TBC1D16: variants seen among roughly 807,000 people sequenced by gnomAD.
TBC1D16 encodes the protein CTD-2529O21.1.
In TBC1D16, 58 loss-of-function variants were observed where a neutral mutation model predicts 74.7. The ratio of observed to expected loss-of-function variants is 0.78; its 90% confidence interval spans 0.63 to 0.97. TBC1D16 has a LOEUF of 0.97. Among genes scored for constraint, TBC1D16 ranks in the 50% least tolerant of loss-of-function variants. TBC1D16 has a pLI of 0.00. For synonymous variants in TBC1D16, 493 were observed against 474.7 expected (o/e 1.04, Z -0.50); for missense variants, 1,014 against 1,079.5 (o/e 0.94, Z 0.85).
chr17:80,031,791 G>C (rs1188671552), intron 1 of TBC1D16, among the ~76,000 whole-genome samples: 1 of 152,208 alleles, frequency 6.6e-6, no homozygotes, highest in Non-Finnish European at 1.5e-5. Flanking sequence ...GGAAGATGCA[G>C]ACCCAGCCAG....
In TBC1D16 at chr17:79,951,582, G is replaced by A; in HGVS notation, c.957C>T (p.Thr319=). 1 of 1,613,822 alleles carries A rather than the reference G, an allele frequency of 6.2e-7. No homozygotes were observed. Among genetic ancestry groups the A allele is most frequent in the Non-Finnish European group, 8.5e-7 (1 of 1,179,894 alleles). Residue 319 remains threonine (T), a synonymous_variant, in exon 5 of 12, where the codon ACC becomes ACT. Coordinates refer to ENST00000310924, the MANE Select transcript of TBC1D16 (RefSeq NM_019020.4). ...GGCTGGCAACGACCAGCTGGCCGCT[G>A]GTGCAGGCCTCGTCGCTGAAGGGCC... is the stretch of plus-strand genomic sequence containing the variant. ...LRLFFSDEAC[T]SGQLVVASRE... is the part of the protein sequence containing the mutation.
At chr17:79,978,953 C>T (rs989189801) in intron 3 of TBC1D16, among the ~76,000 whole-genome samples, 1 of 152,218 alleles carries the variant, frequency 6.6e-6, no homozygotes, top group Non-Finnish European at 1.5e-5. Flanking sequence ...CATTCCCTCT[C>T]GACTTCGTCC....
intron 3 of TBC1D16, among the ~76,000 whole-genome samples, chr17:79,977,732 T>G (rs925943160): frequency 3.9e-5 from 6 of 152,256 alleles, no homozygotes; most frequent in Non-Finnish European, 7.3e-5. Context: ...CACACACATG[T>G]GCACACGGCG....
At chr17:79,952,316 G>A (rs2033103206) in intron 4 of TBC1D16, 1 of 226,324 alleles carries the variant, frequency 4.4e-6, no homozygotes, top group Non-Finnish European at 8.7e-6. Flanking sequence ...AGGTGGCCGA[G>A]CTCCAGAGCA....
Position 80,010,835 on chromosome 17 carries a change from G to A in TBC1D16, c.182-78C>T, listed in dbSNP as rs552889741. The A allele has an allele frequency of 5.5e-6, 6 of 1,095,760 alleles. No individual in the cohort carries two copies. The East Asian group carries it at 1.7e-4, about 30-fold the overall frequency. The allele number at this position is 1,095,760 out of a possible 1,614,324, so 67.9% of individuals were successfully genotyped here. A position where few individuals can be genotyped will look rare whatever the true frequency, so the allele number is the denominator to read the frequency against. ...GCCCTTGTGGTACCTTTGGCGAGCT[G>A]CTCGGAGAGGCCACTGCCCTTTAGT... On this transcript the variant is annotated intron_variant, in intron 2 of 11. Transcript: ENST00000310924. This position sits in a 1 kb window ranked among gnomAD's most constrained non-coding sequence, Gnocchi z 8.8.
At chr17:80,012,845 C>T (rs1434304558) in intron 2 of TBC1D16, among the ~76,000 whole-genome samples, 1 of 152,120 alleles carries the variant, frequency 6.6e-6, no homozygotes, top group Non-Finnish European at 1.5e-5. Context: ...ATCCTTTTAG[C>T]AGCCAGGGAA....
Position 80,000,452 on chromosome 17 carries a change from C to T in TBC1D16, c.779+9708G>A, listed in dbSNP as rs1269328829. On this transcript the variant is annotated intron_variant, in intron 3 of 11. Transcript: ENST00000310924. The surrounding 1 kb of genome is among the most constrained non-coding windows in gnomAD (Gnocchi z 4.1). ...CCACAAGCCAAGGAATGCCTGCAGCCACTCAAACCGGAAGAGACCAGGAAG... is the reference window on the plus strand; with the variant it reads ...CCACAAGCCAAGGAATGCCTGCAGCTACTCAAACCGGAAGAGACCAGGAAG... Among the ~76,000 whole-genome samples, 1 of 152,214 alleles carries T rather than the reference C, an allele frequency of 6.6e-6. No individual in the cohort carries two copies. The highest frequency in any genetic ancestry group is 1.5e-5 in the Non-Finnish European group (1 of 68,032).
chr17:79,942,285 G>T, intron 10 of TBC1D16, 79 bp from the exon 11 acceptor site: 1 of 1,462,722 alleles, frequency 6.8e-7, no homozygotes, highest in Non-Finnish European at 9.3e-7. Flanking sequence ...TGAGTGCCAG[G>T]GTGCGAGTGA....
chr17:80,033,213 T>C (rs2036833681), intron 1 of TBC1D16, among the ~76,000 whole-genome samples: 1 of 152,278 alleles, frequency 6.6e-6, no homozygotes, highest in African/African-American at 2.4e-5. Context: ...ACATCCTAAA[T>C]GGTAACTCAG....
chr17:79,978,051 C>G (rs1049332700), intron 3 of TBC1D16, among the ~76,000 whole-genome samples: 1 of 152,236 alleles, frequency 6.6e-6, no homozygotes, highest in African/African-American at 2.4e-5. Flanking sequence ...GATGGGCGCA[C>G]AGCCGGCCGG....
rs2035700932 is a variant in TBC1D16 at position 80,007,034 on chromosome 17, G to T, written c.779+3126C>A. Among the ~76,000 whole-genome samples, 1 of 152,190 alleles carries T rather than the reference G, an allele frequency of 6.6e-6. No homozygotes were observed. Among genetic ancestry groups the T allele is most frequent in the South Asian group, 2.1e-4 (1 of 4,836 alleles). Reference sequence around the variant, plus strand: ...TTGGAGACAGGCTGTTTTCACTCCAGCCTTGCACTGAAGCACACGCTTCTG... The same window carrying T: ...TTGGAGACAGGCTGTTTTCACTCCATCCTTGCACTGAAGCACACGCTTCTG... On this transcript the variant is annotated intron_variant, in intron 3 of 11. Transcript: ENST00000310924. The surrounding 1 kb of genome is among the most constrained non-coding windows in gnomAD (Gnocchi z 4.5).
intron 3 of TBC1D16, among the ~76,000 whole-genome samples, chr17:79,953,429 A>G (rs1454170520): frequency 6.6e-6 from 1 of 152,250 alleles, no homozygotes; most frequent in Admixed American, 6.5e-5. Flanking sequence ...AATGCTTCTC[A>G]GGTGCTTTTA....
Position 79,980,731 on chromosome 17 carries a change from G to A in TBC1D16, c.780-27913C>T, listed in dbSNP as rs373545495. Reference sequence around the variant, plus strand: ...CCCAGGGTTCACTCGAACCGCCTCCGCGCACCCCAACAGCAGAGACGTAAC... The same window carrying A: ...CCCAGGGTTCACTCGAACCGCCTCCACGCACCCCAACAGCAGAGACGTAAC... On this transcript the variant is annotated intron_variant, in intron 3 of 11. Transcript: ENST00000310924. The surrounding 1 kb of genome is among the most constrained non-coding windows in gnomAD (Gnocchi z 7.0). 3.7e-4 allele frequency among the ~76,000 whole-genome samples: 56 copies of A among 152,260 alleles called. 1 individual carries two copies. In the East Asian group the frequency reaches 8.9e-3, roughly 24 times the overall value.
intron 8 of TBC1D16, among the ~76,000 whole-genome samples, chr17:79,948,507 C>T (rs2032755727): frequency 1.3e-5 from 2 of 152,224 alleles, no homozygotes; most frequent in South Asian, 2.1e-4. Context: ...CAGAATGTCA[C>T]AGATGCCAGC....
At chr17:80,019,889 A>G (rs1311170602) in intron 1 of TBC1D16, among the ~76,000 whole-genome samples, 1 of 149,960 alleles carries the variant, frequency 6.7e-6, no homozygotes, top group Non-Finnish European at 1.5e-5. Context: ...GATATAACAA[A>G]CTTTAGGGTT....
rs1330971540 is a variant in TBC1D16 at position 79,945,085 on chromosome 17, C to T, written c.1731G>A (p.Leu577=). The part of the protein sequence containing the change: ...PRDEDMEKQL[L]YLRELLRLTH... ...TCAGCCGCAGCAGCTCGCGCAGGTA[C>T]AGCTGGGGGTGAGGCCGTCACGCGT... Residue 577 remains leucine, a splice_region_variant and synonymous_variant, in exon 10 of 12, where the codon CTG becomes CTA. Transcript: ENST00000310924. 3.8e-6 allele frequency: 6 copies of T among 1,578,592 alleles called. No individual in the cohort carries two copies. Among genetic ancestry groups the T allele is most frequent in the Non-Finnish European group, 5.2e-6 (6 of 1,163,582 alleles).
At chr17:79,968,346 AC>A (rs2033926247) in intron 3 of TBC1D16, among the ~76,000 whole-genome samples, 1 of 152,240 alleles carries the variant, frequency 6.6e-6, no homozygotes, top group Non-Finnish European at 1.5e-5. Flanking sequence ...CACAGAGACA[AC>A]TGGATAGCCA....
intron 1 of TBC1D16, among the ~76,000 whole-genome samples, chr17:80,021,941 CAT>C (rs2036302952): frequency 5.4e-5 from 5 of 92,422 alleles, no homozygotes; most frequent in Admixed American, 5.1e-4. Flanking sequence ...CCATGACACA[CAT>C]GTATTTCTCC....
chr17:79,973,788 G>A (rs1339845202), intron 3 of TBC1D16, among the ~76,000 whole-genome samples: 1 of 151,962 alleles, frequency 6.6e-6, no homozygotes, highest in Non-Finnish European at 1.5e-5. Context: ...AGCTACTTGG[G>A]AGGCTACAGT....
Sources: allele counts gnomAD v4.1 joint callset (sites outside exome capture counted in the v4.1 genomes callset), GRCh38; gene constraint gnomAD v4.1.1; non-coding constraint Gnocchi (gnomAD v3.1); transcripts MANE v1.5; gene names NCBI Gene and HGNC (gene_info 2026-07-23, HGNC 2026-07-21).